TGFBR3: variants seen among roughly 807,000 people sequenced by gnomAD.
TGFBR3 encodes transforming growth factor beta receptor 3, also known as transforming growth factor beta receptor type 3.
Under a neutral mutation model 87.9 loss-of-function variants are expected in TGFBR3, and 46 were observed. The ratio of observed to expected loss-of-function variants is 0.52; its 90% CI spans 0.41 to 0.67. The LOEUF (loss-of-function observed/expected upper bound fraction) is 0.67, where lower values mean the gene tolerates loss of function less well. Among genes scored for constraint, TGFBR3 ranks in the 30% least tolerant of loss-of-function variants. The probability of loss-of-function intolerance (pLI) is 0.00; values close to 1 mark genes in which losing one functional copy is unlikely to be tolerated. For synonymous variants in TGFBR3, 381 were observed against 391.6 expected, an observed-to-expected ratio of 0.97 and a Z score of 0.32; for missense variants, 866 against 1,041.9, an observed-to-expected ratio of 0.83 and a Z score of 2.32.
chr1:91,861,521 T>C lies in TGFBR3; in HGVS notation c.11A>G (p.His4Arg), dbSNP rs189150159. 78 of 1,613,834 alleles carry C rather than the reference T, an allele frequency of 4.8e-5. No individual in the cohort carries two copies. Among genetic ancestry groups the C allele is most frequent in the Non-Finnish European group, 6.4e-5 (76 of 1,179,706 alleles). The change falls in exon 2 of 17, where the codon CAT becomes CGT. Residue 4 changes from histidine to arginine, a missense_variant. Coordinates refer to ENST00000212355, the MANE Select transcript of TGFBR3 (RefSeq NM_003243.5). The stretch of plus-strand genomic sequence containing the variant: ...CAGGGCAAAGATGGCAATCACATAA[T>C]GGGAAGTCATTTTTATTTCTCCAAC... MTSHYVIAIFALMS... is the reference protein window; with the variant it reads MTSRYVIAIFALMS...
At chr1:91,793,622 T>C (rs777374516) in intron 3 of TGFBR3, among the ~76,000 whole-genome samples, 1 of 152,012 alleles carries the variant, frequency 6.6e-6, no homozygotes, top group Non-Finnish European at 1.5e-5. Context: ...CTGGCCAACA[T>C]GATGAAACTC....
chr1:91,692,782 T>A (rs930487160), intron 16 of TGFBR3, among the ~76,000 whole-genome samples: 1 of 152,214 alleles, frequency 6.6e-6, no homozygotes, highest in African/African-American at 2.4e-5. Context: ...AACCCAGTCT[T>A]TGTAGAGTAA....
chr1:91,760,521 C>T (rs1327126506), intron 3 of TGFBR3, among the ~76,000 whole-genome samples: 1 of 152,128 alleles, frequency 6.6e-6, no homozygotes, highest in African/African-American at 2.4e-5. Flanking sequence ...TGACTTATCA[C>T]AGCAAATTCA....
At chr1:91,708,266 G>T (rs993186670) in intron 14 of TGFBR3, among the ~76,000 whole-genome samples, 1 of 152,154 alleles carries the variant, frequency 6.6e-6, no homozygotes, top group Admixed American at 6.5e-5. Context: ...CAATACAATA[G>T]GTTATAGCCA....
chr1:91,790,524 T>C (rs943909738), intron 3 of TGFBR3, among the ~76,000 whole-genome samples: 3 of 152,344 alleles, frequency 2.0e-5, no homozygotes, highest in African/African-American at 7.2e-5. Flanking sequence ...TAATCTTCCC[T>C]GTCAAGCTGG....
chr1:91,833,308 A>AAAC (rs1676928845), intron 2 of TGFBR3, among the ~76,000 whole-genome samples: 2 of 135,422 alleles, frequency 1.5e-5, no homozygotes, highest in Admixed American at 1.5e-4. Context: ...AAAAAAAAAA[A>AAAC]AAAAAAAACA....
At position 91,684,256 on chromosome 1, in the gene TGFBR3, A is replaced by G. The variant is rs571388006; in HGVS notation, c.2438-399T>C. Among the ~76,000 whole-genome samples, 16 of 152,344 alleles carry G rather than the reference A, an allele frequency of 1.1e-4. No homozygotes were observed. The South Asian group carries it at 3.3e-3, about 32-fold the overall frequency. On this transcript the variant is annotated intron_variant, in intron 16 of 16. Coordinates refer to ENST00000212355, the MANE Select transcript of TGFBR3 (RefSeq NM_003243.5). ...CCATCTTCTCTCATAAAGACACTGT[A>G]GGATTTGGAGGGTGTGACCTTTCAA...
chr1:91,897,918 T>C (rs1679585245), intron 2 of TGFBR3, among the ~76,000 whole-genome samples: 1 of 152,076 alleles, frequency 6.6e-6, no homozygotes, highest in South Asian at 2.1e-4. Context: ...CCGGGCATCA[T>C]GGCTCATGGC....
At chr1:91,785,127 A>G (rs1674909468) in intron 3 of TGFBR3, among the ~76,000 whole-genome samples, 1 of 152,282 alleles carries the variant, frequency 6.6e-6, no homozygotes, top group Admixed American at 6.5e-5. Flanking sequence ...TAGCCACACA[A>G]TGAAAACTAC....
At chr1:91,872,894 C>T (rs918443056) in intron 1 of TGFBR3, among the ~76,000 whole-genome samples, 3 of 151,608 alleles carry the variant, frequency 2.0e-5, no homozygotes, top group Admixed American at 1.3e-4. Context: ...TCTAGTCCAA[C>T]GAGTCTTAAA....
At chr1:91,879,925 T>C (rs1181153934) in intron 1 of TGFBR3, among the ~76,000 whole-genome samples, 1 of 150,784 alleles carries the variant, frequency 6.6e-6, no homozygotes, top group Non-Finnish European at 1.5e-5. Context: ...CCAAGCTGTG[T>C]TGATTTATTT....
intron 2 of TGFBR3, among the ~76,000 whole-genome samples, chr1:91,839,377 A>G (rs1026280185): frequency 2.6e-5 from 4 of 152,178 alleles, no homozygotes; most frequent in Non-Finnish European, 5.9e-5. Context: ...GCAAGGTAGC[A>G]TCTGAATTAC....
Position 91,682,425 on chromosome 1 carries a change from T to TTTTA in TGFBR3, c.*1313_*1314insTAAA, listed in dbSNP as rs1553158586. ...CATTCTTTTTTTTTTTTTTTTTTTTTAACAAGGAGGTATCACTGAGCTTAT... is the reference window on the plus strand; with the variant it reads ...CATTCTTTTTTTTTTTTTTTTTTTTTTTTAAACAAGGAGGTATCACTGAGCTTAT... On this transcript the variant is annotated 3_prime_UTR_variant, in exon 17 of 17. Transcript: ENST00000212355. 1.1e-4 allele frequency: 46 copies of TTTTA among 421,058 alleles called. No individual in the cohort carries two copies. Among genetic ancestry groups the TTTTA allele is most frequent in the Non-Finnish European group, 1.1e-4 (24 of 217,450 alleles). 26.1% of individuals were successfully genotyped at this position (421,058 alleles called of 1,614,324 possible).
In TGFBR3 at chr1:91,835,827, C is replaced by CAAAAA. The variant is rs57326419; in HGVS notation, c.61+25639_61+25643dup. Reference sequence around the variant, plus strand: ...TGGGTGACAGAGCGAGACTCCACCTCAAAAAAAAAAAAAAAAAAAAAAAAA... The same window carrying CAAAAA: ...TGGGTGACAGAGCGAGACTCCACCTCAAAAAAAAAAAAAAAAAAAAAAAAAAAAAA... On this transcript the variant is annotated intron_variant, in intron 2 of 16. Coordinates refer to ENST00000212355, the MANE Select transcript of TGFBR3 (RefSeq NM_003243.5). 4.7e-3 allele frequency among the ~76,000 whole-genome samples: 348 copies of CAAAAA among 74,724 alleles called. 55 individuals are homozygous for CAAAAA. The highest frequency in any genetic ancestry group is 6.2e-3 in the Non-Finnish European group (213 of 34,254). 49.0% of individuals were successfully genotyped at this position (74,724 alleles called of 152,430 possible).
chr1:91,699,754 G>C (rs1671560326), intron 14 of TGFBR3, among the ~76,000 whole-genome samples: 1 of 152,228 alleles, frequency 6.6e-6, no homozygotes, highest in African/African-American at 2.4e-5. Context: ...CATCAGGGCA[G>C]AAGTTGAATC....
At chr1:91,874,532 T>C (rs1678711026) in intron 1 of TGFBR3, among the ~76,000 whole-genome samples, 1 of 152,000 alleles carries the variant, frequency 6.6e-6, no homozygotes, top group Non-Finnish European at 1.5e-5. Context: ...TTTTGGTCAC[T>C]CTGTCACCAG....
Position 91,712,359 on chromosome 1 carries a change from C to G in TGFBR3, c.2050G>C (p.Asp684His), listed in dbSNP as rs1270050436. ...VHFPIPQADM[D>H]KKRFSFVFKP... ...AAGACAAAGCTGAATCGCTTCTTAT[C>G]CATGTCAGCTTGCGGGATAGGAAAG... Residue 684 changes from aspartate (D) to histidine (H), a missense_variant, in exon 13 of 17, where the codon GAT (aspartate) becomes CAT (histidine). Physicochemically the swap from Asp to His is moderately conservative, Grantham distance 81 (BLOSUM62 -1). Transcript: ENST00000212355. 6.2e-7 allele frequency: 1 copy of G among 1,614,196 alleles called. No homozygotes were observed. The highest frequency in any genetic ancestry group is 1.1e-5 in the South Asian group (1 of 91,080).
At chr1:91,693,093 C>T (rs1030536075) in intron 16 of TGFBR3, among the ~76,000 whole-genome samples, 5 of 152,138 alleles carry the variant, frequency 3.3e-5, no homozygotes, top group African/African-American at 1.2e-4. Context: ...GCTAGCTGAC[C>T]CAGGTAACAA....
chr1:91,778,114 A>G (rs1674632132), intron 3 of TGFBR3, among the ~76,000 whole-genome samples: 1 of 151,942 alleles, frequency 6.6e-6, no homozygotes, highest in South Asian at 2.1e-4. Flanking sequence ...AAGTATTCAG[A>G]GACCAGATCT....
Sources: allele counts gnomAD v4.1 joint callset (sites outside exome capture counted in the v4.1 genomes callset), GRCh38; gene constraint gnomAD v4.1.1; transcripts MANE v1.5; gene names NCBI Gene and HGNC (gene_info 2026-07-23, HGNC 2026-07-21).